SLC44A5: variants seen among roughly 807,000 people sequenced by gnomAD.
SLC44A5 encodes the protein choline transporter-like protein 5.
A neutral mutation model predicts 101.8 loss-of-function variants in SLC44A5; 57 were observed. The observed-to-expected ratio is 0.56, with a 90% confidence interval of 0.45 to 0.70. The LOEUF is 0.70. Among genes scored for constraint, SLC44A5 ranks in the 30% least tolerant of loss-of-function variants. The pLI, the probability that SLC44A5 is intolerant of heterozygous loss-of-function variation, is 0.00. For missense variants in SLC44A5, 737 were observed against 853.1 expected (o/e 0.86, Z 1.70); for synonymous variants, 281 against 290.9 (o/e 0.97, Z 0.35).
At chr1:75,308,478 G>T (rs1655067758) in intron 4 of SLC44A5, among the ~76,000 whole-genome samples, 1 of 151,878 alleles carries the variant, frequency 6.6e-6, no homozygotes, top group African/African-American at 2.4e-5. Flanking sequence ...GACAAAATTG[G>T]TTTTACGATG....
intron 2 of SLC44A5, among the ~76,000 whole-genome samples, chr1:75,495,702 G>GA (rs1005190692): frequency 5.3e-5 from 8 of 151,416 alleles, no homozygotes; most frequent in Non-Finnish European, 8.8e-5. Flanking sequence ...AAAGCAAAAA[G>GA]AAAAAAATGA....
At chr1:75,565,939 T>C (rs182273228) in intron 1 of SLC44A5, among the ~76,000 whole-genome samples, 21 of 152,294 alleles carry the variant, frequency 1.4e-4, no homozygotes, top group African/African-American at 5.1e-4. Flanking sequence ...TTATTAATAT[T>C]GAAGGTGTTA....
At chr1:75,361,148 T>G (rs1476715648) in intron 3 of SLC44A5, among the ~76,000 whole-genome samples, 1 of 152,130 alleles carries the variant, frequency 6.6e-6, no homozygotes, top group Non-Finnish European at 1.5e-5. Context: ...TTTTTCGTGT[T>G]GAGTTTGTAT....
chr1:75,373,317 A>G (rs1660350761), intron 3 of SLC44A5, among the ~76,000 whole-genome samples: 1 of 152,152 alleles, frequency 6.6e-6, no homozygotes, highest in Admixed American at 6.5e-5. Context: ...CACCAAGACC[A>G]GCTCCTGGCC....
At chr1:75,615,763 G>T (rs1675852116), upstream of SLC44A5, 7 of 779,642 alleles carry the variant, frequency 9.0e-6, no homozygotes, top group Non-Finnish European at 1.1e-5. Flanking sequence ...CCTTCCACTT[G>T]GCCGCGCCTG....
At chr1:75,669,735 A>G in the SLC44A5 span, among the ~76,000 whole-genome samples, 1 of 152,160 alleles carries the variant, frequency 6.6e-6, no homozygotes, top group Non-Finnish European at 1.5e-5. Context: ...AACACCAGAC[A>G]CATACAAACC....
At chr1:75,640,629 C>T in the SLC44A5 span, among the ~76,000 whole-genome samples, 1 of 152,016 alleles carries the variant, frequency 6.6e-6, no homozygotes, top group South Asian at 2.1e-4. Flanking sequence ...ATTAATTGAT[C>T]ATAACAATCT....
At chr1:75,412,196 A>G (rs1663323631) in intron 2 of SLC44A5, among the ~76,000 whole-genome samples, 1 of 152,174 alleles carries the variant, frequency 6.6e-6, no homozygotes, top group Non-Finnish European at 1.5e-5. Flanking sequence ...CAAGGACTAT[A>G]TCTTTTTTAA....
intron 2 of SLC44A5, among the ~76,000 whole-genome samples, chr1:75,505,856 C>T (rs12057688): frequency 0.17 from 25,149 of 151,958 alleles, 2,489 homozygotes; most frequent in African/African-American, 0.27. Flanking sequence ...TTTAGTTTAG[C>T]TAGGTCTCAC....
chr1:75,720,306 C>G, the SLC44A5 span: 1 of 152,150 alleles, frequency 6.6e-6, no homozygotes, highest in Non-Finnish European at 1.5e-5. Flanking sequence ...AGCCTCTCAG[C>G]TTCCTTAGAC....
chr1:75,267,830 C>CA (rs1651128066), intron 6 of SLC44A5, among the ~76,000 whole-genome samples: 1 of 152,090 alleles, frequency 6.6e-6, no homozygotes, highest in Non-Finnish European at 1.5e-5. Context: ...CTCGGCTTCC[C>CA]AAAGGGCTAG....
chr1:75,398,648 A>C (rs1662278496), intron 2 of SLC44A5, among the ~76,000 whole-genome samples: 1 of 152,174 alleles, frequency 6.6e-6, no homozygotes, highest in Non-Finnish European at 1.5e-5. Context: ...TCCATCTCCC[A>C]GGCTAAATTC....
At chr1:75,478,738 C>A (rs963383063) in intron 2 of SLC44A5, among the ~76,000 whole-genome samples, 17 of 152,082 alleles carry the variant, frequency 1.1e-4, no homozygotes, top group Admixed American at 3.3e-4. Flanking sequence ...ACAGGAGCCC[C>A]CAGATTCATA....
intron 1 of SLC44A5, among the ~76,000 whole-genome samples, chr1:75,579,826 T>TACACACACACACACACACACACACAC (rs6143284): frequency 7.2e-4 from 108 of 150,062 alleles, no homozygotes; most frequent in African/African-American, 2.4e-3. Context: ...TTCAACTATC[T>TACACACACACACACACACACACACAC]ACACACACAC....
chr1:75,690,234 G>A, the SLC44A5 span, among the ~76,000 whole-genome samples: 784 of 152,198 alleles, frequency 5.2e-3, 4 homozygotes, highest in African/African-American at 0.018. Context: ...AGGTGAAGGC[G>A]AAACAAGGCA....
intron 2 of SLC44A5, among the ~76,000 whole-genome samples, chr1:75,513,429 A>G (rs897524585): frequency 2.0e-5 from 3 of 152,228 alleles, no homozygotes; most frequent in Non-Finnish European, 2.9e-5. Context: ...CCATAGCTTT[A>G]CCAATTGGTA....
At chr1:75,284,552 A>G (rs1652885638) in intron 5 of SLC44A5, among the ~76,000 whole-genome samples, 1 of 152,122 alleles carries the variant, frequency 6.6e-6, no homozygotes, top group Admixed American at 6.5e-5. Flanking sequence ...TACATTGAAT[A>G]GAAGTGTTGA....
chr1:75,210,148 G>A (rs529574180), intron 23 of SLC44A5, among the ~76,000 whole-genome samples: 4 of 152,162 alleles, frequency 2.6e-5, no homozygotes, highest in South Asian at 4.1e-4. Flanking sequence ...CTGGGCCCAG[G>A]TGATCCTCCC....
chr1:75,342,620 AAGG>A (rs1657969770), intron 3 of SLC44A5, among the ~76,000 whole-genome samples: 1 of 152,132 alleles, frequency 6.6e-6, no homozygotes, highest in African/African-American at 2.4e-5. Flanking sequence ...ACAGATGAGT[AAGG>A]AGAAGACAGG....
Sources: gnomAD v4.1 joint callset for allele counts (sites outside exome capture counted in the v4.1 genomes callset) on GRCh38, gnomAD v4.1.1 for gene constraint, MANE v1.5 for transcripts, NCBI Gene and HGNC (gene_info 2026-07-23, HGNC 2026-07-21) for gene names.